The following LRRC4C variants were observed in gnomAD, a reference collection of about 807,000 sequenced individuals.
LRRC4C encodes the protein leucine rich repeat containing 4C.
A neutral mutation model predicts 33.6 loss-of-function variants in LRRC4C; 5 were observed. The ratio of observed to expected loss-of-function variants is 0.15; its 90% CI spans 0.08 to 0.31. LRRC4C has a LOEUF of 0.31. Among genes scored for constraint, LRRC4C ranks in the 10% least tolerant of loss-of-function variants. The pLI, the probability that LRRC4C is intolerant of heterozygous loss-of-function variation, is 1.00. For synonymous variants in LRRC4C, 329 were observed against 302.0 expected (o/e 1.09, Z -0.93); for missense variants, 560 against 796.7 (o/e 0.70, Z 3.58).
At chr11:40,837,251 G>T (rs976097195) in intron 2 of LRRC4C, among the ~76,000 whole-genome samples, 3 of 151,930 alleles carry the variant, frequency 2.0e-5, no homozygotes, top group Admixed American at 2.0e-4. Flanking sequence ...TTCATTTCAG[G>T]TTTCAAATCT....
intron 2 of LRRC4C, among the ~76,000 whole-genome samples, chr11:40,711,431 T>C (rs1344323062): frequency 2.0e-5 from 3 of 152,180 alleles, no homozygotes; most frequent in Non-Finnish European, 4.4e-5. Context: ...ATTGATCAAA[T>C]TTTAGAACAG....
At chr11:40,787,777 G>A (rs1950474549) in intron 2 of LRRC4C, among the ~76,000 whole-genome samples, 1 of 152,202 alleles carries the variant, frequency 6.6e-6, no homozygotes, top group Admixed American at 6.5e-5. Context: ...GGAGCTAGCT[G>A]AGTGTAAAGT....
chr11:40,983,259 TG>T (rs1852671640), intron 1 of LRRC4C, among the ~76,000 whole-genome samples: 1 of 152,202 alleles, frequency 6.6e-6, no homozygotes, highest in African/African-American at 2.4e-5. Flanking sequence ...TCTTCCACAA[TG>T]GTTGAACTAA....
At chr11:40,250,235 A>C (rs1866677627) in intron 4 of LRRC4C, among the ~76,000 whole-genome samples, 1 of 152,194 alleles carries the variant, frequency 6.6e-6, no homozygotes, top group South Asian at 2.1e-4. Flanking sequence ...TTTGCAAAAG[A>C]AAAAGAACAC....
intron 1 of LRRC4C, among the ~76,000 whole-genome samples, chr11:41,436,482 T>G (rs2138477195): frequency 6.6e-6 from 1 of 152,310 alleles, no homozygotes; most frequent in Non-Finnish European, 1.5e-5. Flanking sequence ...GGAAGAAAAC[T>G]GATTTCAAAG....
chr11:40,448,693 A>C (rs1951751832), intron 3 of LRRC4C, among the ~76,000 whole-genome samples: 2 of 152,238 alleles, frequency 1.3e-5, no homozygotes, highest in African/African-American at 4.8e-5. Flanking sequence ...TATTGTGAAT[A>C]CTGCTGCAAT....
chr11:40,434,366 C>A (rs1281791426), intron 3 of LRRC4C, among the ~76,000 whole-genome samples: 11 of 152,192 alleles, frequency 7.2e-5, no homozygotes, highest in Non-Finnish European at 1.6e-4. Context: ...GAGCTGTATT[C>A]TTCTGCTATC....
chr11:40,456,040 CT>C (rs1178598619), intron 3 of LRRC4C, among the ~76,000 whole-genome samples: 3 of 152,070 alleles, frequency 2.0e-5, no homozygotes, highest in Admixed American at 1.3e-4. Flanking sequence ...CATCTTTTGC[CT>C]TTATTCTACT....
intron 1 of LRRC4C, among the ~76,000 whole-genome samples, chr11:41,294,472 G>C (rs1339287420): frequency 2.6e-5 from 4 of 152,028 alleles, no homozygotes; most frequent in Non-Finnish European, 5.9e-5. Flanking sequence ...GACTACTGTG[G>C]GTATACATGA....
In LRRC4C at chr11:40,168,885, A is replaced by T. The variant is rs142623617; in HGVS notation, c.-95-28032T>A. Among the ~76,000 whole-genome samples, 492 of 152,284 alleles carry T rather than the reference A, an allele frequency of 3.2e-3. 1 individual carries two copies. The highest frequency in any genetic ancestry group is 4.6e-3 in the Non-Finnish European group (315 of 68,020). On this transcript the variant is annotated intron_variant, in intron 5 of 6. Transcript: ENST00000528697. ...GCAAAAATCAAATCAGTGCTGCCCCAACACACTGGTTCCATTTTAATGAAA... is the reference window on the plus strand; with the variant it reads ...GCAAAAATCAAATCAGTGCTGCCCCTACACACTGGTTCCATTTTAATGAAA...
intron 2 of LRRC4C, among the ~76,000 whole-genome samples, chr11:40,740,577 C>T (rs1454448197): frequency 6.6e-6 from 1 of 151,716 alleles, no homozygotes; most frequent in Non-Finnish European, 1.5e-5. Flanking sequence ...CATATATTTT[C>T]CCCCATTTAA....
At chr11:40,540,509 A>G (rs1318603118) in intron 3 of LRRC4C, among the ~76,000 whole-genome samples, 1 of 152,088 alleles carries the variant, frequency 6.6e-6, no homozygotes, top group Non-Finnish European at 1.5e-5. Flanking sequence ...TATTTTATAA[A>G]TTGTAGGAAG....
intron 2 of LRRC4C, among the ~76,000 whole-genome samples, chr11:40,757,599 G>GTTT (rs5791402): frequency 3.1e-4 from 44 of 142,776 alleles, no homozygotes; most frequent in Middle Eastern, 3.6e-3. Flanking sequence ...CAAACTTTGA[G>GTTT]TTTTTTTTTT....
At chr11:40,697,178 G>A (rs1317833562) in intron 2 of LRRC4C, among the ~76,000 whole-genome samples, 4 of 151,920 alleles carry the variant, frequency 2.6e-5, no homozygotes, top group African/African-American at 9.7e-5. Context: ...TTTGTTCATG[G>A]GGTCCTTCGT....
chr11:41,317,643 A>G (rs1162064444), intron 1 of LRRC4C, among the ~76,000 whole-genome samples: 1 of 152,018 alleles, frequency 6.6e-6, no homozygotes, highest in Non-Finnish European at 1.5e-5. Flanking sequence ...TATTGTCATC[A>G]TTCAGTAATA....
intron 4 of LRRC4C, among the ~76,000 whole-genome samples, chr11:40,311,314 G>C (rs1945293083): frequency 6.6e-6 from 1 of 152,070 alleles, no homozygotes; most frequent in Non-Finnish European, 1.5e-5. Flanking sequence ...TAAGCTCTCA[G>C]GGCCTGTCTT....
chr11:40,666,305 T>C (rs1396921449), intron 2 of LRRC4C, among the ~76,000 whole-genome samples: 2 of 152,124 alleles, frequency 1.3e-5, no homozygotes, highest in African/African-American at 4.8e-5. Flanking sequence ...TACATTTATA[T>C]AGAGGGAAGG....
intron 2 of LRRC4C, among the ~76,000 whole-genome samples, chr11:40,787,945 T>C (rs547099436): frequency 6.6e-6 from 1 of 152,334 alleles, no homozygotes; most frequent in African/African-American, 2.4e-5. Flanking sequence ...GGTATTCTTA[T>C]TGTTGTTCTT....
At chr11:40,969,999 C>G (rs1002953399) in intron 1 of LRRC4C, among the ~76,000 whole-genome samples, 1 of 152,074 alleles carries the variant, frequency 6.6e-6, no homozygotes, top group Non-Finnish European at 1.5e-5. Context: ...TAAGTGTGTT[C>G]CTGGCTCTCT....
Sources: allele counts gnomAD v4.1 joint callset (sites outside exome capture counted in the v4.1 genomes callset), GRCh38; gene constraint gnomAD v4.1.1; transcripts MANE v1.5; gene names NCBI Gene and HGNC (gene_info 2026-07-23, HGNC 2026-07-21).